Variants in CLIP2 observed in about 807,000 individuals in gnomAD.
CLIP2 encodes CAP-Gly domain-containing linker protein 2.
In CLIP2, 41 loss-of-function variants were observed where a neutral mutation model predicts 111.7. The ratio of observed to expected loss-of-function variants is 0.37; its 90% confidence interval spans 0.29 to 0.48. CLIP2 has a LOEUF of 0.48. Ranked by LOEUF, CLIP2 falls within the 20% of genes least tolerant of loss-of-function variation. The pLI is 0.99. For synonymous variants in CLIP2, 660 were observed against 644.2 expected (o/e 1.02, Z -0.37); for missense variants, 1,160 against 1,422.1 (o/e 0.82, Z 2.96).
Position 74,292,690 on chromosome 7 carries a change from G to C in CLIP2, c.-68+2956G>C, listed in dbSNP as rs1271571786. On this transcript the variant is annotated intron_variant, in intron 1 of 16. Coordinates refer to ENST00000223398, the MANE Select transcript of CLIP2 (RefSeq NM_003388.5). The stretch of plus-strand genomic sequence containing the variant: ...GGCGTGAGCCACCACGCCTGGCCTG[G>C]TTCTGAGCTCTTTAAATTCATTCCT... 3.9e-5 allele frequency among the ~76,000 whole-genome samples: 6 copies of C among 152,220 alleles called. No homozygotes were observed. The East Asian group carries it at 1.2e-3, about 29-fold the overall frequency.
At chr7:74,388,945 G>C (rs1177893407) in intron 12 of CLIP2, 158 bp from the exon 13 acceptor site, 7 of 809,078 alleles carry the variant, frequency 8.7e-6, no homozygotes, top group Non-Finnish European at 1.3e-5. Context: ...GACAGAGCCA[G>C]ACCCAATCTC....
At chr7:74,299,202 A>G (rs1177010894) in intron 1 of CLIP2, among the ~76,000 whole-genome samples, 1 of 151,956 alleles carries the variant, frequency 6.6e-6, no homozygotes, top group Non-Finnish European at 1.5e-5. Flanking sequence ...TACAGTGTCT[A>G]TAATCCCAGC....
chr7:74,336,224 C>T (rs909551706), intron 2 of CLIP2, among the ~76,000 whole-genome samples: 7 of 152,040 alleles, frequency 4.6e-5, no homozygotes, highest in African/African-American at 2.4e-5. Flanking sequence ...TATGCCACCA[C>T]GCCTGGCTAA....
At chr7:74,381,897 T>C (rs1195800545) in intron 11 of CLIP2, among the ~76,000 whole-genome samples, 1 of 152,156 alleles carries the variant, frequency 6.6e-6, no homozygotes, top group Non-Finnish European at 1.5e-5. Flanking sequence ...CTGTAGAAAA[T>C]TACCTTGACT....
At chr7:74,303,326 C>T (rs1788390210) in intron 1 of CLIP2, among the ~76,000 whole-genome samples, 1 of 152,192 alleles carries the variant, frequency 6.6e-6, no homozygotes, top group Non-Finnish European at 1.5e-5. Context: ...GGTGAGGTGC[C>T]AGCCTGGAGT....
chr7:74,332,460 C>G (rs371913924), intron 2 of CLIP2, among the ~76,000 whole-genome samples: 4 of 110,324 alleles, frequency 3.6e-5, no homozygotes, highest in African/African-American at 1.3e-4. Flanking sequence ...CTAGAATTCT[C>G]TTTTTTTTTT....
chr7:74,294,064 G>A (rs1013782302), intron 1 of CLIP2, among the ~76,000 whole-genome samples: 1 of 152,032 alleles, frequency 6.6e-6, no homozygotes, highest in Non-Finnish European at 1.5e-5. Context: ...TTACAGGCAC[G>A]CGCCACCACG....
At chr7:74,331,569 T>C (rs1175356373) in intron 2 of CLIP2, among the ~76,000 whole-genome samples, 5 of 133,740 alleles carry the variant, frequency 3.7e-5, no homozygotes, top group Non-Finnish European at 8.0e-5. Flanking sequence ...TTTCTTTTTT[T>C]TTTTTTTTTT....
intron 15 of CLIP2, among the ~76,000 whole-genome samples, 179 bp downstream of exon 15, chr7:74,400,734 A>T (rs1791595452): frequency 6.6e-6 from 1 of 152,160 alleles, no homozygotes; most frequent in African/African-American, 2.4e-5. Flanking sequence ...CCTGGTTTGA[A>T]GAAGGAGGCA....
chr7:74,383,975 T>C (rs557870629), intron 11 of CLIP2, among the ~76,000 whole-genome samples: 31 of 152,126 alleles, frequency 2.0e-4, no homozygotes, highest in African/African-American at 7.5e-4. Context: ...GAACATTTCA[T>C]GTCAGGAGTT....
intron 8 of CLIP2, among the ~76,000 whole-genome samples, chr7:74,371,157 T>A (rs1790604669): frequency 6.7e-6 from 1 of 150,258 alleles, no homozygotes; most frequent in East Asian, 2.0e-4. Flanking sequence ...GGCTGGAGAA[T>A]TGCTTGAACC....
chr7:74,387,901 A>C (rs1791162366), intron 12 of CLIP2, among the ~76,000 whole-genome samples: 1 of 152,154 alleles, frequency 6.6e-6, no homozygotes, highest in Non-Finnish European at 1.5e-5. Context: ...AAAATTATGC[A>C]GTGGAGGCCG....
intron 7 of CLIP2, among the ~76,000 whole-genome samples, chr7:74,363,556 TC>T (rs797038710): frequency 2.9e-4 from 44 of 152,266 alleles, no homozygotes; most frequent in African/African-American, 1.0e-3. Flanking sequence ...CACAGGTTGT[TC>T]CTTGTGGTAG....
At chr7:74,395,793 A>T (rs1554316571) in intron 13 of CLIP2, among the ~76,000 whole-genome samples, 1 of 152,122 alleles carries the variant, frequency 6.6e-6, no homozygotes, top group Non-Finnish European at 1.5e-5. Context: ...CAAACAGCAG[A>T]TTAAAGTAGC....
intron 2 of CLIP2, among the ~76,000 whole-genome samples, chr7:74,331,773 C>T (rs963264541): frequency 1.3e-5 from 2 of 151,678 alleles, no homozygotes; most frequent in African/African-American, 4.8e-5. Context: ...CGGGGTTTCA[C>T]CATGTTGGCC....
At chr7:74,390,112 A>AAAGG (rs1332796403) in intron 13 of CLIP2, among the ~76,000 whole-genome samples, 1 of 140,736 alleles carries the variant, frequency 7.1e-6, no homozygotes, top group Admixed American at 7.4e-5. Flanking sequence ...AGAAAGAAAG[A>AAAGG]AAGAAAGAAA....
At chr7:74,391,665 C>T (rs1445474294) in intron 13 of CLIP2, among the ~76,000 whole-genome samples, 2 of 151,204 alleles carry the variant, frequency 1.3e-5, no homozygotes, top group Non-Finnish European at 2.9e-5. Flanking sequence ...ACTAAAAATA[C>T]AAAAATTAGC....
chr7:74,326,109 A>G lies in CLIP2; in HGVS notation c.121+8442A>G, dbSNP rs149578716. Among the ~76,000 whole-genome samples the G allele has an allele frequency of 5.0e-3, 755 of 152,182 alleles. 8 individuals are homozygous for G. The highest frequency in any genetic ancestry group is 0.018 in the African/African-American group (730 of 41,508). On this transcript the variant is annotated intron_variant, in intron 2 of 16. Coordinates refer to ENST00000223398, the MANE Select transcript of CLIP2 (RefSeq NM_003388.5). ...ACAAAAATTAGCCGGGCGCGACGGC[A>G]CATGCCTGTAATCCCAGCTACTCAG...
chr7:74,291,784 C>A (rs577677538), intron 1 of CLIP2, among the ~76,000 whole-genome samples: 1 of 152,264 alleles, frequency 6.6e-6, no homozygotes, highest in Admixed American at 6.5e-5. Context: ...GTCCTGCCTC[C>A]CTTGGTGATA....
Sources: gnomAD v4.1 joint callset for allele counts (sites outside exome capture counted in the v4.1 genomes callset) on GRCh38, gnomAD v4.1.1 for gene constraint, MANE v1.5 for transcripts, NCBI Gene and HGNC (gene_info 2026-07-23, HGNC 2026-07-21) for gene names.